The following GPR83 variants were observed in gnomAD, a reference collection of about 807,000 sequenced individuals.
GPR83 encodes the protein G-protein coupled receptor 72.
In GPR83, 23 loss-of-function variants were observed where a neutral mutation model predicts 28.0. The ratio of observed to expected loss-of-function variants is 0.82; its 90% CI spans 0.59 to 1.16. The LOEUF is 1.16. GPR83 is among the 50% of genes most tolerant of loss of function. The pLI, the probability that GPR83 is intolerant of heterozygous loss-of-function variation, is 0.00. For missense variants in GPR83, 610 were observed against 536.6 expected (o/e 1.14, Z -1.35); for synonymous variants, 234 against 215.4 (o/e 1.09, Z -0.76).
At chr11:94,394,123 C>G (rs1311198198) in intron 2 of GPR83, among the ~76,000 whole-genome samples, 1 of 152,170 alleles carries the variant, frequency 6.6e-6, no homozygotes, top group Non-Finnish European at 1.5e-5. Context: ...TCGCATGGCA[C>G]CACGGCAAGG....
At chr11:94,388,235 T>C (rs972612418) in intron 3 of GPR83, among the ~76,000 whole-genome samples, 5 of 152,194 alleles carry the variant, frequency 3.3e-5, no homozygotes, top group Non-Finnish European at 7.3e-5. Context: ...GGGCAAAAAC[T>C]GGAAGCATTC....
chr11:94,393,622 G>A lies in GPR83; in HGVS notation c.514-4C>T. The A allele has an allele frequency of 6.2e-7, 1 of 1,613,744 alleles. No homozygotes were observed. Among genetic ancestry groups the A allele is most frequent in the South Asian group, 1.1e-5 (1 of 90,982 alleles). ...GTTTCAAGGGGTGCATGATGACCTG[G>A]AAAACAAGCAAACCACATCACTAAC... is the stretch of plus-strand genomic sequence containing the variant. On this transcript the variant is annotated splice_polypyrimidine_tract_variant and splice_region_variant and intron_variant, in intron 2 of 3. Transcript: ENST00000243673.
At chr11:94,386,034 G>T (rs1944751275) in intron 3 of GPR83, among the ~76,000 whole-genome samples, 1 of 152,084 alleles carries the variant, frequency 6.6e-6, no homozygotes, top group African/African-American at 2.4e-5. Flanking sequence ...AGAGAGTGGG[G>T]GCCAATATTC....
rs528707502 is a variant in GPR83, at chr11:94,385,812, G to A, written c.648-5039C>T. Among the ~76,000 whole-genome samples, 9 of 152,278 alleles carry A rather than the reference G, an allele frequency of 5.9e-5. No homozygotes were observed. In the South Asian group the frequency reaches 8.3e-4, roughly 14 times the overall value. On this transcript the variant is annotated intron_variant, in intron 3 of 3. Coordinates refer to ENST00000243673, the MANE Select transcript of GPR83 (RefSeq NM_016540.4). ...CAGGAGAAATTCCCCAATCTAGCAA[G>A]GCAGGCCAACATTCAAATTCAGGAA... is the stretch of plus-strand genomic sequence containing the variant.
intron 1 of GPR83, among the ~76,000 whole-genome samples, chr11:94,398,138 A>G (rs1263082467): frequency 6.6e-6 from 1 of 152,110 alleles, no homozygotes; most frequent in African/African-American, 2.4e-5. Flanking sequence ...CCCTTGGACT[A>G]TTATAGCCTC....
At chr11:94,381,385 G>GGAAAAAAAGTCCTCCGTGTGGAAAGGTA (rs1295510498) in intron 3 of GPR83, among the ~76,000 whole-genome samples, 4 of 151,862 alleles carry the variant, frequency 2.6e-5, no homozygotes, top group African/African-American at 4.8e-5. Flanking sequence ...TTTTTAGGGG[G>GGAAAAAAAGTCCTCCGTGTGGAAAGGTA]GAAAAAAAGT....
chr11:94,379,993 G>A lies in GPR83; in HGVS notation c.*156C>T, dbSNP rs1944668329. 5.8e-6 allele frequency: 3 copies of A among 517,840 alleles called. No homozygotes were observed. Among genetic ancestry groups the A allele is most frequent in the Middle Eastern group, 3.0e-4 (1 of 3,366 alleles). The allele number at this position is 517,840 out of a possible 1,614,324, so 32.1% of individuals were successfully genotyped here. ...TGCCTTTTAGTTTTCACATCACATG[G>A]GGCTAGGAGGCTGGACAGTTTCCTA... On this transcript the variant is annotated 3_prime_UTR_variant, in exon 4 of 4. Coordinates refer to ENST00000243673, the MANE Select transcript of GPR83 (RefSeq NM_016540.4).
At chr11:94,383,060 C>T (rs1386438756) in intron 3 of GPR83, among the ~76,000 whole-genome samples, 1 of 150,596 alleles carries the variant, frequency 6.6e-6, no homozygotes, top group African/African-American at 2.4e-5. Context: ...CCCAGCTACT[C>T]GGGAGGCTGA....
intron 3 of GPR83, among the ~76,000 whole-genome samples, chr11:94,385,749 A>G: frequency 6.6e-6 from 1 of 152,242 alleles, no homozygotes; most frequent in Non-Finnish European, 1.5e-5. Context: ...GACGGGGAGA[A>G]TGGAACCAAG....
chr11:94,383,848 A>G (rs1191015782), intron 3 of GPR83, among the ~76,000 whole-genome samples: 1 of 152,230 alleles, frequency 6.6e-6, no homozygotes, highest in Non-Finnish European at 1.5e-5. Context: ...TTAATAGCCT[A>G]CCAACCAAAA....
At chr11:94,393,803 T>C (rs1470022742) in intron 2 of GPR83, among the ~76,000 whole-genome samples, 185 bp from the exon 3 acceptor site, 2 of 151,856 alleles carry the variant, frequency 1.3e-5, no homozygotes, top group Non-Finnish European at 2.9e-5. Context: ...TCTATATATT[T>C]AAAAAAATGA....
chr11:94,385,935 G>C (rs1591602553), intron 3 of GPR83, among the ~76,000 whole-genome samples: 2 of 152,166 alleles, frequency 1.3e-5, no homozygotes, highest in African/African-American at 4.8e-5. Context: ...AAAATGTTAA[G>C]GGCAGTCAGA....
chr11:94,392,659 T>A (rs1036464765), intron 3 of GPR83, among the ~76,000 whole-genome samples: 5 of 152,060 alleles, frequency 3.3e-5, no homozygotes, highest in African/African-American at 1.2e-4. Context: ...ACCCCATTTC[T>A]ACTAAAAATA....
chr11:94,387,840 C>A (rs149389525), intron 3 of GPR83, among the ~76,000 whole-genome samples: 3 of 152,258 alleles, frequency 2.0e-5, no homozygotes, highest in Admixed American at 2.0e-4. Context: ...AGGCCAGCAT[C>A]GTCCTGATAC....
In GPR83 at chr11:94,401,141, G is replaced by T. The variant is rs1221955988; in HGVS notation, c.107C>A (p.Pro36His). ...CCAAGAGAAGAAGTGCGAGGCATTG[G>T]GCACGGCCAGGGCCGCCTCCGCGCT... ...EQSAEAALAV[P>H]NASHFFSWNN... Residue 36 changes from proline (P) to histidine (H), a missense_variant, in exon 1 of 4, where the codon CCC becomes CAC. Coordinates refer to ENST00000243673, the MANE Select transcript of GPR83 (RefSeq NM_016540.4). 1 of 1,614,082 alleles carries T rather than the reference G, an allele frequency of 6.2e-7. No individual in the cohort carries two copies.
chr11:94,400,816 G>A (rs767026921), intron 1 of GPR83, 45 bp downstream of exon 1: 3 of 1,586,800 alleles, frequency 1.9e-6, no homozygotes, highest in South Asian at 1.2e-5. Context: ...GAGAGGAAAG[G>A]GAGACGAAGA....
intron 3 of GPR83, among the ~76,000 whole-genome samples, chr11:94,381,575 G>GTGTGTGTA (rs1438179668): frequency 9.7e-6 from 1 of 102,756 alleles, no homozygotes; most frequent in African/African-American, 3.1e-5. Context: ...GTGTGTGTGT[G>GTGTGTGTA]TGTGCGCGCG....
chr11:94,378,622 A>G lies in GPR83; in HGVS notation c.*1527T>C, dbSNP rs1944645308. ...TGTAAGTGAAAGTTACACCTGAACCACCAAAATGATGTTGACAGCGAATCT... is the reference window on the plus strand; with the variant it reads ...TGTAAGTGAAAGTTACACCTGAACCGCCAAAATGATGTTGACAGCGAATCT... On this transcript the variant is annotated 3_prime_UTR_variant, in exon 4 of 4. Transcript: ENST00000243673. The G allele has an allele frequency of 6.6e-6, 1 of 152,622 alleles. No homozygotes were observed. The allele number at this position is 152,622 out of a possible 1,614,324, so 9.5% of individuals were successfully genotyped here. A position where few individuals can be genotyped will look rare whatever the true frequency, so the allele number is the denominator to read the frequency against.
chr11:94,387,660 A>C (rs1944774013), intron 3 of GPR83, among the ~76,000 whole-genome samples: 1 of 152,192 alleles, frequency 6.6e-6, no homozygotes, highest in Non-Finnish European at 1.5e-5. Flanking sequence ...GACCAATAAC[A>C]GGCTCTGAAA....
Sources: allele counts gnomAD v4.1 joint callset (sites outside exome capture counted in the v4.1 genomes callset), GRCh38; gene constraint gnomAD v4.1.1; transcripts MANE v1.5; gene names NCBI Gene and HGNC (gene_info 2026-07-23, HGNC 2026-07-21).